MAP7D2: variants seen among roughly 807,000 people sequenced by gnomAD.
MAP7D2 encodes MAP7 domain containing 2.
A neutral mutation model predicts 63.5 loss-of-function variants in MAP7D2; 33 were observed. The ratio of observed to expected loss-of-function variants is 0.52; its 90% CI spans 0.39 to 0.70. MAP7D2 has a LOEUF of 0.70. Ranked by LOEUF, MAP7D2 falls within the 30% of genes least tolerant of loss-of-function variation. MAP7D2 has a pLI of 0.00. For missense variants in MAP7D2, 626 were observed against 604.0 expected (o/e 1.04, Z -0.38); for synonymous variants, 224 against 223.7 (o/e 1.00, Z -0.01).
At chrX:20,043,010 T>A (rs1443907257) in intron 7 of MAP7D2, among the ~76,000 whole-genome samples, 2 of 111,856 alleles carry the variant, frequency 1.8e-5, no homozygotes, top group Non-Finnish European at 1.9e-5. Context: ...TGGCCCCTGA[T>A]GGTATACATG....
intron 8 of MAP7D2, among the ~76,000 whole-genome samples, chrX:20,040,049 A>C (rs757022073): frequency 9.3e-6 from 1 of 107,704 alleles, no homozygotes; most frequent in South Asian, 4.2e-4. Flanking sequence ...AAGGACGACT[A>C]GACTGGCTTA....
intron 9 of MAP7D2, 91 bp from the exon 10 acceptor site, chrX:20,025,174 A>G (rs1335295707): frequency 2.9e-6 from 3 of 1,043,209 alleles, no homozygotes; most frequent in Non-Finnish European, 2.6e-6. Flanking sequence ...TGGAAGTGAA[A>G]AAAAATCCAA....
rs72039188 is a variant in MAP7D2 at position 20,099,235 on chromosome X, ACTCTCTCTCT to A, written c.130+17505_130+17514del. Among the ~76,000 whole-genome samples the A allele has an allele frequency of 7.5e-3, 699 of 93,503 alleles. 3 individuals carry two copies. The highest frequency in any genetic ancestry group is 0.013 in the East Asian group (38 of 2,878). 81.2% of individuals were successfully genotyped at this position (93,503 alleles called of 115,157 possible). ...GTCCTCTGCCACACTGCAAGTTTAT[ACTCTCTCTCT>A]CTCTCTCTCTCTCTCTCTCTCTCTC... On this transcript the variant is annotated intron_variant, in intron 1 of 16. Transcript: ENST00000379643.
chrX:20,072,117 T>C (rs1302285671), intron 1 of MAP7D2, among the ~76,000 whole-genome samples: 1 of 111,633 alleles, frequency 9.0e-6, no homozygotes, highest in Admixed American at 9.5e-5. Flanking sequence ...TATTTTAACC[T>C]CATACCAGAA....
At chrX:20,012,952 G>T in intron 14 of MAP7D2, 102 bp downstream of exon 14, 1 of 652,009 alleles carries the variant, frequency 1.5e-6, no homozygotes, top group Non-Finnish European at 2.4e-6. Flanking sequence ...GCCCCTGCCA[G>T]CAGTCACCCT....
chrX:20,067,459 T>C (rs1335599115), intron 1 of MAP7D2, among the ~76,000 whole-genome samples: 2 of 110,769 alleles, frequency 1.8e-5, no homozygotes, highest in Non-Finnish European at 3.8e-5. Flanking sequence ...AGCATCATCA[T>C]AATAAGAGGT....
chrX:20,049,261 T>C (rs1401181344), intron 6 of MAP7D2, among the ~76,000 whole-genome samples: 1 of 97,944 alleles, frequency 1.0e-5, no homozygotes, highest in African/African-American at 4.3e-5. Flanking sequence ...TCTTGTGGCA[T>C]GTATCTGTAT....
intron 1 of MAP7D2, among the ~76,000 whole-genome samples, chrX:20,088,426 C>T (rs1308451537): frequency 1.0e-5 from 1 of 96,901 alleles, no homozygotes; most frequent in East Asian, 3.6e-4. Flanking sequence ...TCCCTGGTAA[C>T]TGGGACTACA....
At chrX:20,014,429 G>A (rs994172638) in intron 12 of MAP7D2, among the ~76,000 whole-genome samples, 1 of 111,144 alleles carries the variant, frequency 9.0e-6, no homozygotes, top group Non-Finnish European at 1.9e-5. Flanking sequence ...TTAGCCAGGT[G>A]TGGTGGTGTG....
intron 1 of MAP7D2, among the ~76,000 whole-genome samples, chrX:20,109,413 G>A (rs1040959408): frequency 1.9e-5 from 2 of 107,420 alleles, no homozygotes; most frequent in African/African-American, 3.4e-5. Context: ...CCAGCTACTC[G>A]GGAGGCTGAG....
At chrX:20,063,660 A>T in intron 2 of MAP7D2, 83 bp from the exon 3 acceptor site, 2 of 1,043,021 alleles carry the variant, frequency 1.9e-6, no homozygotes, top group Non-Finnish European at 2.6e-6. Flanking sequence ...AGGAAGCAAG[A>T]GCAGAGCCCT....
chrX:20,049,487 G>T (rs910536454), intron 6 of MAP7D2, among the ~76,000 whole-genome samples: 6 of 110,000 alleles, frequency 5.5e-5, no homozygotes, highest in Non-Finnish European at 7.6e-5. Context: ...GGCCATGCTG[G>T]TCTCGAACTC....
chrX:20,102,777 T>TG (rs761033544), intron 1 of MAP7D2, among the ~76,000 whole-genome samples: 31 of 49,495 alleles, frequency 6.3e-4, no homozygotes, highest in Middle Eastern at 8.3e-3. Flanking sequence ...ATGGGCGGGG[T>TG]GGGGGGGAGT....
chrX:20,042,976 TACA>T (rs1400368435), intron 7 of MAP7D2, among the ~76,000 whole-genome samples: 2 of 112,086 alleles, frequency 1.8e-5, no homozygotes, highest in Admixed American at 9.4e-5. Flanking sequence ...AAAATGTGGT[TACA>T]ACATCCAAGA....
Position 20,083,744 on chromosome X carries a change from A to G in MAP7D2, c.131-18939T>C, listed in dbSNP as rs572956250. Among the ~76,000 whole-genome samples, 199 of 111,867 alleles carry G rather than the reference A, an allele frequency of 1.8e-3. 1 individual carries two copies. In the South Asian group the frequency reaches 0.071, roughly 40 times the overall value. On this transcript the variant is annotated intron_variant, in intron 1 of 16. Transcript: ENST00000379643. The stretch of plus-strand genomic sequence containing the variant: ...AGCTACACAATCCTTACATTCTAAT[A>G]CTGTGGTTCTCAACCAGGGGAGACT...
chrX:20,034,301 G>A (rs1039760463), intron 8 of MAP7D2, among the ~76,000 whole-genome samples: 1 of 106,301 alleles, frequency 9.4e-6, no homozygotes, highest in Admixed American at 1.0e-4. Flanking sequence ...TGTAACCTGA[G>A]CACTTTGGGA....
chrX:20,116,517 G>A, intron 1 of MAP7D2: 10 of 883,354 alleles, frequency 1.1e-5, no homozygotes, highest in Non-Finnish European at 1.4e-5. Flanking sequence ...CACCCCCCAT[G>A]TGTACCCACT....
At chrX:20,100,757 C>G (rs1246356673) in intron 1 of MAP7D2, among the ~76,000 whole-genome samples, 1 of 111,383 alleles carries the variant, frequency 9.0e-6, no homozygotes, top group Non-Finnish European at 1.9e-5. Flanking sequence ...CGTGGTGGCT[C>G]AAGTCTGTAA....
chrX:20,110,085 G>A (rs2148570844), intron 1 of MAP7D2, among the ~76,000 whole-genome samples: 1 of 107,932 alleles, frequency 9.3e-6, no homozygotes, highest in African/African-American at 3.4e-5. Context: ...GTGGATGGTT[G>A]CACAGACTTT....
Sources: gnomAD v4.1 joint callset for allele counts (sites outside exome capture counted in the v4.1 genomes callset) on GRCh38, gnomAD v4.1.1 for gene constraint, MANE v1.5 for transcripts, NCBI Gene and HGNC (gene_info 2026-07-23, HGNC 2026-07-21) for gene names.